Variants in COPB1 observed in about 807,000 individuals in gnomAD.
COPB1 encodes the protein coat protein complex I subunit beta 1.
A neutral mutation model predicts 108.7 loss-of-function variants in COPB1; 21 were observed. That is an observed-to-expected ratio of 0.19 (90% CI 0.14 to 0.28). The LOEUF (loss-of-function observed/expected upper bound fraction) is 0.28. Among genes scored for constraint, COPB1 ranks in the 10% least tolerant of loss-of-function variants. The pLI, the probability that COPB1 is intolerant of heterozygous loss-of-function variation, is 1.00. For synonymous variants in COPB1, 378 were observed against 386.8 expected (o/e 0.98, Z 0.27); for missense variants, 919 against 1,141.3 (o/e 0.81, Z 2.81).
intron 16 of COPB1, among the ~76,000 whole-genome samples, chr11:14,467,198 A>C (rs1209360176): frequency 1.3e-5 from 2 of 148,476 alleles, no homozygotes; most frequent in African/African-American, 2.5e-5. Context: ...AACAAAAAAA[A>C]CCAACAACCC....
intron 2 of COPB1, among the ~76,000 whole-genome samples, chr11:14,495,203 G>A (rs1214063134): frequency 6.6e-6 from 1 of 152,078 alleles, no homozygotes; most frequent in Non-Finnish European, 1.5e-5. Context: ...AGAATTTATA[G>A]TACTAAAAAT....
Position 14,488,552 on chromosome 11 carries a change from A to G in COPB1, c.639T>C (p.Ile213=), listed in dbSNP as rs1005252075. Residue 213 remains isoleucine (I), a synonymous_variant, in exon 6 of 22, where the codon ATT becomes ATC. Transcript: ENST00000439561. ...TGTCTCCAAATGTTTGAACTTGATC[A>G]ATGCAAGTACTTAAGTAATCCAAAG... The part of the protein sequence containing the change: ...DRALDYLSTC[I]DQVQTFGDIL... 3 of 1,607,816 alleles carry G rather than the reference A, an allele frequency of 1.9e-6. No individual in the cohort carries two copies. The African/African-American group carries it at 4.0e-5, about 21-fold the overall frequency.
At position 14,480,781 on chromosome 11, in the gene COPB1, A is replaced by G; in HGVS notation, c.1190T>C (p.Met397Thr). ...LHSCSVRFPD[M>T]AANVIPVLME... ...TACCACAGGAATAACATTTGCAGCC[A>G]TATCTGGAAATCGGACAGAACAGGA... Residue 397 changes from methionine to threonine, a missense_variant, in exon 10 of 22, where the codon ATG becomes ACG. By Grantham distance (81) the Met-to-Thr change is moderately conservative. This residue lies in a region of COPB1 where 705 missense variants were observed against 817.8 expected (regional missense o/e 0.86). Coordinates refer to ENST00000439561, the MANE Select transcript of COPB1 (RefSeq NM_001144061.2). The G allele has an allele frequency of 6.2e-7, 1 of 1,613,852 alleles. No homozygotes were observed. Among genetic ancestry groups the G allele is most frequent in the Non-Finnish European group, 8.5e-7 (1 of 1,179,914 alleles).
At chr11:14,494,528 G>T in intron 2 of COPB1, 89 bp from the exon 3 acceptor site, 2 of 750,014 alleles carry the variant, frequency 2.7e-6, no homozygotes, top group Non-Finnish European at 2.1e-6. Context: ...AAAATAAAAT[G>T]TACCTTCTTA....
intron 16 of COPB1, among the ~76,000 whole-genome samples, chr11:14,467,964 G>T (rs1165419072): frequency 6.6e-6 from 1 of 152,184 alleles, no homozygotes; most frequent in East Asian, 1.9e-4. Context: ...CAGTCCTGGA[G>T]ATGGCTGCAT....
chr11:14,488,957 A>G (rs1850835183), intron 5 of COPB1, among the ~76,000 whole-genome samples: 1 of 152,188 alleles, frequency 6.6e-6, no homozygotes, highest in Non-Finnish European at 1.5e-5. Context: ...TATATTGGAC[A>G]CTGTAATATA....
chr11:14,486,559 T>A, intron 6 of COPB1, 55 bp from the exon 7 acceptor site: 1 of 1,596,066 alleles, frequency 6.3e-7, no homozygotes, highest in East Asian at 2.2e-5. Flanking sequence ...TGTTTTCAAA[T>A]GGAGTTTTTT....
chr11:14,492,868 G>A (rs544292198), intron 4 of COPB1, among the ~76,000 whole-genome samples: 45 of 152,202 alleles, frequency 3.0e-4, no homozygotes, highest in Middle Eastern at 3.4e-3. Context: ...AATCTCAGCC[G>A]GGCGTGGCAG....
chr11:14,492,616 T>C (rs193256679), intron 4 of COPB1, among the ~76,000 whole-genome samples: 94 of 152,176 alleles, frequency 6.2e-4, no homozygotes, highest in Middle Eastern at 6.8e-3. Context: ...GTGCTGGGAT[T>C]ACAGGCATGA....
At chr11:14,466,905 T>C (rs1041890432) in intron 16 of COPB1, among the ~76,000 whole-genome samples, 7 of 152,096 alleles carry the variant, frequency 4.6e-5, no homozygotes, top group African/African-American at 1.4e-4. Flanking sequence ...AAACAGATTA[T>C]ATAGTAAGAA....
chr11:14,475,692 A>G, intron 13 of COPB1, 93 bp downstream of exon 13: 1 of 1,304,166 alleles, frequency 7.7e-7, no homozygotes, highest in East Asian at 2.6e-5. Flanking sequence ...TTTTGGTTGC[A>G]AAAGCAAGAG....
At chr11:14,496,438 C>T (rs1851020237) in intron 2 of COPB1, among the ~76,000 whole-genome samples, 1 of 151,976 alleles carries the variant, frequency 6.6e-6, no homozygotes, top group African/African-American at 2.4e-5. Context: ...AAGAAGTAAT[C>T]TAATCCCATT....
At chr11:14,487,972 A>G (rs1850814414) in intron 6 of COPB1, among the ~76,000 whole-genome samples, 3 of 152,358 alleles carry the variant, frequency 2.0e-5, no homozygotes, top group South Asian at 2.1e-4. Context: ...TTCAAAGGAT[A>G]TATCATAGTA....
chr11:14,486,436 G>A lies in COPB1; in HGVS notation c.768C>T (p.Ser256=). ...CAGCTTCATATTTTACAGCAGGGCT[G>A]GATGACTGTAATAAGTTATAGATGC... The part of the protein sequence containing the change: ...IRCIYNLLQS[S]SPAVKYEAAG... The change falls in exon 7 of 22, where the codon TCC becomes TCT. Residue 256 remains serine (S), a synonymous_variant. Coordinates refer to ENST00000439561, the MANE Select transcript of COPB1 (RefSeq NM_001144061.2). The A allele has an allele frequency of 6.2e-7, 1 of 1,614,082 alleles. No individual in the cohort carries two copies. The highest frequency in any genetic ancestry group is 8.5e-7 in the Non-Finnish European group (1 of 1,180,010).
chr11:14,465,897 CT>C (rs754393201), intron 17 of COPB1, among the ~76,000 whole-genome samples: 7 of 152,170 alleles, frequency 4.6e-5, no homozygotes, highest in Non-Finnish European at 1.0e-4. Flanking sequence ...TGATTTATTA[CT>C]TTGGTCACAT....
Position 14,457,762 on chromosome 11 carries a change from T to A in COPB1, c.*62A>T. 2.0e-6 allele frequency: 2 copies of A among 1,012,176 alleles called. No homozygotes were observed. The highest frequency in any genetic ancestry group is 2.6e-5 in the South Asian group (2 of 76,784). 62.7% of individuals were successfully genotyped at this position (1,012,176 alleles called of 1,614,324 possible). On this transcript the variant is annotated 3_prime_UTR_variant, in exon 22 of 22. Coordinates refer to ENST00000439561, the MANE Select transcript of COPB1 (RefSeq NM_001144061.2). ...TAAGCATGAAAGAGTACAAAAGATGTTGGAGTCCAGTAAGCCCATACCTAA... is the reference window on the plus strand; with the variant it reads ...TAAGCATGAAAGAGTACAAAAGATGATGGAGTCCAGTAAGCCCATACCTAA...
At chr11:14,467,761 A>C (rs1296541909) in intron 16 of COPB1, among the ~76,000 whole-genome samples, 1 of 152,224 alleles carries the variant, frequency 6.6e-6, no homozygotes, top group Non-Finnish European at 1.5e-5. Context: ...TCTTGAAGAC[A>C]TTATACTGAG....
At chr11:14,494,557 T>C in intron 2 of COPB1, 118 bp from the exon 3 acceptor site, 2 of 623,210 alleles carry the variant, frequency 3.2e-6, no homozygotes, top group Non-Finnish European at 5.5e-6. Context: ...TCAGCAATGG[T>C]AATAAAAGTA....
Position 14,460,236 on chromosome 11 carries a change from G to C in COPB1, c.2618C>G (p.Thr873Ser). Residue 873 changes from threonine (T) to serine (S), a missense_variant, in exon 20 of 22, where the codon ACC (threonine) becomes AGC (serine). Physicochemically the swap from Thr to Ser is moderately conservative, Grantham distance 58. Around this residue, in one of 5 missense-constraint regions of COPB1, gnomAD observed 705 missense variants for 817.8 expected, o/e 0.86. Coordinates refer to ENST00000439561, the MANE Select transcript of COPB1 (RefSeq NM_001144061.2). ...NDYLQHILKS[T>S]NMKCLTPEKA... Reference sequence around the variant, plus strand: ...TTCTGGAGTCAGGCATTTCATATTGGTTGACTTTAATATGTGCTGTAAGTA... The same window carrying C: ...TTCTGGAGTCAGGCATTTCATATTGCTTGACTTTAATATGTGCTGTAAGTA... 6.2e-7 allele frequency: 1 copy of C among 1,610,932 alleles called. No individual in the cohort carries two copies. The highest frequency in any genetic ancestry group is 8.5e-7 in the Non-Finnish European group (1 of 1,177,808).
Sources: allele counts gnomAD v4.1 joint callset (sites outside exome capture counted in the v4.1 genomes callset), GRCh38; gene constraint gnomAD v4.1.1; regional missense constraint gnomAD v4.1.1; transcripts MANE v1.5; gene names NCBI Gene and HGNC (gene_info 2026-07-23, HGNC 2026-07-21).